Variants in SGO2 observed in about 807,000 individuals in gnomAD.
The protein encoded by SGO2 is shugoshin-like 2.
In SGO2, 68 loss-of-function variants were observed where a neutral mutation model predicts 99.5. That is an observed-to-expected ratio of 0.68 (90% CI 0.56 to 0.84). The LOEUF (loss-of-function observed/expected upper bound fraction) is 0.84. Ranked by LOEUF, SGO2 falls within the 40% of genes least tolerant of loss-of-function variation. The probability of loss-of-function intolerance (pLI) is 0.00; values close to 1 mark genes in which losing one functional copy is unlikely to be tolerated. For missense variants in SGO2, 1,350 were observed against 1,436.7 expected (o/e 0.94, Z 0.97); for synonymous variants, 457 against 487.1 (o/e 0.94, Z 0.81).
rs958411844 is a variant in SGO2, at chr2:200,569,866, C to A, written c.677C>A (p.Ser226Tyr). Reference sequence around the variant, plus strand: ...GGTTTAGATGATTCAGAACATATTTCTTCTATAGTTGATGTACCTCCCAGA... The same window carrying A: ...GGTTTAGATGATTCAGAACATATTTATTCTATAGTTGATGTACCTCCCAGA... ...VYGLDDSEHI[S>Y]SIVDVPPRES... The change falls in exon 6 of 9, where the codon TCT becomes TAT. Residue 226 changes from serine (S) to tyrosine (Y), a missense_variant. Ser to Tyr is a moderately radical substitution (Grantham distance 144). Coordinates refer to ENST00000357799, the MANE Select transcript of SGO2 (RefSeq NM_152524.6). 3.1e-6 allele frequency: 5 copies of A among 1,592,632 alleles called. No individual in the cohort carries two copies. In the Admixed American group the frequency reaches 8.4e-5, roughly 27 times the overall value.
chr2:200,545,153 C>T (rs1450225574), intron 5 of SGO2, among the ~76,000 whole-genome samples: 1 of 152,104 alleles, frequency 6.6e-6, no homozygotes, highest in African/African-American at 2.4e-5. Flanking sequence ...ACTACAGGTG[C>T]ATGCCATCAT....
chr2:200,551,819 T>C (rs1271429398), intron 5 of SGO2, among the ~76,000 whole-genome samples: 2 of 152,170 alleles, frequency 1.3e-5, no homozygotes, highest in Admixed American at 1.3e-4. Flanking sequence ...ATGGGTCTGT[T>C]TCTAAACTCA....
At chr2:200,551,694 AT>A (rs570104102) in intron 5 of SGO2, among the ~76,000 whole-genome samples, 19 of 149,818 alleles carry the variant, frequency 1.3e-4, no homozygotes, top group African/African-American at 2.2e-4. Flanking sequence ...AAGGGTCATA[AT>A]TTTTTTTTTC....
chr2:200,567,147 G>A (rs145867814), intron 5 of SGO2, among the ~76,000 whole-genome samples: 1,960 of 152,210 alleles, frequency 0.013, 49 homozygotes, highest in African/African-American at 0.044. Context: ...GAAATCACCC[G>A]TCTTCTGCAT....
At chr2:200,533,400 C>T in intron 2 of SGO2, 1 of 246,968 alleles carries the variant, frequency 4.0e-6, no homozygotes, top group Non-Finnish European at 7.9e-6. Context: ...TTTTCTGGAA[C>T]AGATGTAGTA....
rs1387521513 is a variant in SGO2 at position 200,536,211 on chromosome 2, A to C, written c.387+69A>C. 4 of 959,762 alleles carry C rather than the reference A, an allele frequency of 4.2e-6. No individual in the cohort carries two copies. In the East Asian group the frequency reaches 1.0e-4, roughly 24 times the overall value. The allele number at this position is 959,762 out of a possible 1,614,324, so 59.5% of individuals were successfully genotyped here. ...TGAGGATCACTGAGATTACTTAAAT[A>C]ACATCAAGGTTAGAGATTCACATTT... On this transcript the variant is annotated intron_variant, in intron 4 of 8. Transcript: ENST00000357799.
At chr2:200,567,023 G>A (rs990809717) in intron 5 of SGO2, among the ~76,000 whole-genome samples, 17 of 152,216 alleles carry the variant, frequency 1.1e-4, no homozygotes, top group Admixed American at 1.1e-3. Context: ...CTTCCCAGGT[G>A]AGGCGATGCC....
intron 5 of SGO2, among the ~76,000 whole-genome samples, chr2:200,562,291 C>T: frequency 6.6e-6 from 1 of 152,058 alleles, no homozygotes; most frequent in South Asian, 2.1e-4. Flanking sequence ...CCAGTTTTCC[C>T]AGCACCATTT....
rs2033494924 is a variant in SGO2, at chr2:200,572,814, A to G, written c.2468A>G (p.Asn823Ser). 6.2e-7 allele frequency: 1 copy of G among 1,612,178 alleles called. No homozygotes were observed. Among genetic ancestry groups the G allele is most frequent in the Non-Finnish European group, 8.5e-7 (1 of 1,179,140 alleles). ...CQKSEIIPET[N>S]QIYENDNKGV... ...AAGTCAGAAATAATTCCTGAAACCA[A>G]CCAAATATATGAGAATGATAACAAA... Residue 823 changes from asparagine (N) to serine (S), a missense_variant, in exon 7 of 9, where the codon AAC becomes AGC. Physicochemically the swap from Asn to Ser is conservative, Grantham distance 46. Transcript: ENST00000357799.
intron 5 of SGO2, among the ~76,000 whole-genome samples, chr2:200,548,632 T>C (rs1218728907): frequency 6.6e-6 from 1 of 152,002 alleles, no homozygotes; most frequent in Non-Finnish European, 1.5e-5. Context: ...TAAATAAAAT[T>C]GATACTAAAA....
At chr2:200,541,474 T>A (rs910246065) in intron 4 of SGO2, among the ~76,000 whole-genome samples, 73 of 152,330 alleles carry the variant, frequency 4.8e-4, no homozygotes, top group African/African-American at 1.6e-3. Flanking sequence ...AACCTTCCCC[T>A]CATTCCCATC....
Position 200,572,600 on chromosome 2 carries a change from G to T in SGO2, c.2254G>T (p.Glu752Ter), listed in dbSNP as rs530182939. The T allele has an allele frequency of 1.2e-6, 2 of 1,613,098 alleles. No homozygotes were observed. Among genetic ancestry groups the T allele is most frequent in the Non-Finnish European group, 1.7e-6 (2 of 1,179,394 alleles). The change falls in exon 7 of 9, where the codon GAA (glutamate) becomes TAA (stop). Residue 752 changes from glutamate (E) to a stop codon, truncating the protein, a stop_gained. Coordinates refer to ENST00000357799, the MANE Select transcript of SGO2 (RefSeq NM_152524.6). LOFTEE classifies it high-confidence loss of function. ...ACTCTTTTTAACGCAAAAAGATAAGGAAATCATCCCTGGAAACCTAGAAGA... is the reference window on the plus strand; with the variant it reads ...ACTCTTTTTAACGCAAAAAGATAAGTAAATCATCCCTGGAAACCTAGAAGA... ...HSLFLTQKDKEIIPGNLEDPS... is the reference protein window; with the variant it reads ...HSLFLTQKDK
chr2:200,554,250 C>T (rs2032612754), intron 5 of SGO2, among the ~76,000 whole-genome samples: 2 of 152,234 alleles, frequency 1.3e-5, no homozygotes, highest in South Asian at 4.1e-4. Flanking sequence ...TTTGTTGACA[C>T]TGAAAAACTA....
At chr2:200,583,063 G>A (rs1006175604) in intron 8 of SGO2, among the ~76,000 whole-genome samples, 13 of 152,200 alleles carry the variant, frequency 8.5e-5, no homozygotes, top group African/African-American at 3.1e-4. Context: ...TCAGAAAGGG[G>A]CATATTGGAG....
Position 200,572,626 on chromosome 2 carries a change from C to G in SGO2, c.2280C>G (p.Asp760Glu), listed in dbSNP as rs767467391. ...AAATCATCCCTGGAAACCTAGAAGA[C>G]CCAAGTGAGTTTGAAACACCTGCTC... is the stretch of plus-strand genomic sequence containing the variant. ...DKEIIPGNLE[D>E]PSEFETPALS... is the part of the protein sequence containing the mutation. Residue 760 changes from aspartate to glutamate, a missense_variant, in exon 7 of 9, where the codon GAC (aspartate) becomes GAG (glutamate). Asp to Glu is a conservative substitution (Grantham distance 45). Coordinates refer to ENST00000357799, the MANE Select transcript of SGO2 (RefSeq NM_152524.6). 6.2e-7 allele frequency: 1 copy of G among 1,612,914 alleles called. No homozygotes were observed.
intron 5 of SGO2, among the ~76,000 whole-genome samples, chr2:200,543,788 C>T (rs774684869): frequency 3.3e-5 from 5 of 152,154 alleles, no homozygotes; most frequent in African/African-American, 7.2e-5. Flanking sequence ...TCATTATGCA[C>T]GTATTGTTTC....
intron 5 of SGO2, among the ~76,000 whole-genome samples, chr2:200,555,145 C>T (rs2032654396): frequency 2.0e-5 from 3 of 152,192 alleles, no homozygotes; most frequent in African/African-American, 7.2e-5. Flanking sequence ...ATTCCCATGA[C>T]TTTTTATAAT....
rs150015730 is a variant in SGO2 at position 200,578,457 on chromosome 2, T to G, written c.3782+2996T>G. On this transcript the variant is annotated intron_variant, in intron 8 of 8. Coordinates refer to ENST00000357799, the MANE Select transcript of SGO2 (RefSeq NM_152524.6). ...TGCTTAGGGTCTGACAAAGCTGCAC[T>G]AAAGGTGTCGTCCAGGCTGGTTCTC... Among the ~76,000 whole-genome samples, 92 of 152,302 alleles carry G rather than the reference T, an allele frequency of 6.0e-4. 1 individual carries two copies. The highest frequency in any genetic ancestry group is 2.1e-3 in the African/African-American group (87 of 41,568).
intron 5 of SGO2, among the ~76,000 whole-genome samples, chr2:200,544,497 A>T (rs13428840): frequency 6.6e-6 from 1 of 151,936 alleles, no homozygotes. Flanking sequence ...GGCCAGGCTG[A>T]TCTCCAACTC....
Sources: allele counts gnomAD v4.1 joint callset (sites outside exome capture counted in the v4.1 genomes callset), GRCh38; gene constraint gnomAD v4.1.1; transcripts MANE v1.5; gene names NCBI Gene and HGNC (gene_info 2026-07-23, HGNC 2026-07-21).